Variants in PTPRD observed in about 807,000 individuals in gnomAD.
The protein encoded by PTPRD is receptor-type tyrosine-protein phosphatase delta.
In PTPRD, 34 loss-of-function variants were observed where a neutral mutation model predicts 214.5. That is an observed-to-expected ratio of 0.16 (90% CI 0.12 to 0.21). The LOEUF (loss-of-function observed/expected upper bound fraction) is 0.21, where lower values mean the gene tolerates loss of function less well. PTPRD is among the 10% of genes least tolerant of loss of function. The pLI, the probability that PTPRD is intolerant of heterozygous loss-of-function variation, is 1.00. For synonymous variants in PTPRD, 1,128 were observed against 845.7 expected (o/e 1.33, Z -5.79); for missense variants, 2,545 against 2,398.7 (o/e 1.06, Z -1.27).
intron 3 of PTPRD, among the ~76,000 whole-genome samples, chr9:10,302,421 A>AGGG (rs2095890214): frequency 6.6e-6 from 1 of 152,228 alleles, no homozygotes; most frequent in Non-Finnish European, 1.5e-5. Flanking sequence ...TAACAATATT[A>AGGG]ACCGTAAATG....
intron 11 of PTPRD, among the ~76,000 whole-genome samples, chr9:9,001,748 C>A (rs1003264191): frequency 1.3e-5 from 2 of 151,964 alleles, no homozygotes; most frequent in Admixed American, 6.6e-5. Flanking sequence ...ACTTTTGGAG[C>A]CTACTAACCC....
chr9:8,408,860 A>G (rs184549977), intron 35 of PTPRD, among the ~76,000 whole-genome samples: 1 of 139,666 alleles, frequency 7.2e-6, no homozygotes, highest in African/African-American at 2.7e-5. Flanking sequence ...ATGACCCAAT[A>G]GAAGAAAAAA....
intron 5 of PTPRD, among the ~76,000 whole-genome samples, chr9:9,916,173 C>G (rs1165423545): frequency 1.3e-5 from 2 of 151,150 alleles, no homozygotes; most frequent in African/African-American, 4.9e-5. Context: ...GTTTCTCAGA[C>G]AAGCAAAACT....
intron 2 of PTPRD, among the ~76,000 whole-genome samples, chr9:10,455,077 C>A (rs955561816): frequency 1.1e-4 from 16 of 151,672 alleles, no homozygotes; most frequent in Non-Finnish European, 2.1e-4. Context: ...CCTGTTATCA[C>A]CTTGTTATTG....
intron 3 of PTPRD, among the ~76,000 whole-genome samples, chr9:10,110,471 C>A (rs550959493): frequency 2.6e-5 from 4 of 152,180 alleles, no homozygotes; most frequent in South Asian, 2.1e-4. Context: ...CCTTCCTCTC[C>A]CAACAACAAA....
intron 3 of PTPRD, among the ~76,000 whole-genome samples, chr9:10,322,107 T>C (rs2154428257): frequency 6.6e-6 from 1 of 152,144 alleles, no homozygotes; most frequent in East Asian, 1.9e-4. Context: ...TACATTAGTG[T>C]TTCTAACAAG....
At chr9:8,589,676 A>G (rs1394079887) in intron 14 of PTPRD, among the ~76,000 whole-genome samples, 2 of 152,164 alleles carry the variant, frequency 1.3e-5, no homozygotes, top group South Asian at 4.1e-4. Context: ...GTTCCTCTCC[A>G]GAAACCTGTC....
At chr9:10,550,840 C>A (rs1019900013) in intron 2 of PTPRD, among the ~76,000 whole-genome samples, 14 of 152,172 alleles carry the variant, frequency 9.2e-5, no homozygotes, top group Admixed American at 8.5e-4. Flanking sequence ...AGCTTTTTCT[C>A]CACCTCTACC....
chr9:9,529,516 C>A (rs974201089), intron 8 of PTPRD, among the ~76,000 whole-genome samples: 2 of 152,000 alleles, frequency 1.3e-5, no homozygotes, highest in African/African-American at 2.4e-5. Context: ...AAAATAAACA[C>A]ATGAAAAGAT....
chr9:9,119,200 T>C (rs759803772), intron 10 of PTPRD, among the ~76,000 whole-genome samples: 5 of 152,198 alleles, frequency 3.3e-5, no homozygotes, highest in Non-Finnish European at 5.9e-5. Flanking sequence ...CTCCTTATCA[T>C]TTTATAGGTT....
At chr9:8,370,550 G>T (rs2081234854) in intron 39 of PTPRD, among the ~76,000 whole-genome samples, 1 of 152,088 alleles carries the variant, frequency 6.6e-6, no homozygotes, top group South Asian at 2.1e-4. Flanking sequence ...GGTAGCTATT[G>T]TGATTATTTA....
rs540999285 is a variant in PTPRD, at chr9:9,241,714, C to G, written c.-202-58351G>C. Among the ~76,000 whole-genome samples the G allele has an allele frequency of 1.6e-3, 250 of 151,706 alleles. 1 individual carries two copies. The highest frequency in any genetic ancestry group is 5.9e-3 in the African/African-American group (242 of 41,348). On this transcript the variant is annotated intron_variant, in intron 9 of 45. Transcript: ENST00000381196. ...TTTGCTTGGTAGATCTTCCTCCAAC[C>G]CTTTATTCTGAGCCTATGTGTGTCT...
At chr9:8,504,037 A>C (rs1034789892) in intron 23 of PTPRD, among the ~76,000 whole-genome samples, 1 of 152,178 alleles carries the variant, frequency 6.6e-6, no homozygotes, top group Non-Finnish European at 1.5e-5. Context: ...CTTCTTTAAA[A>C]GTCTTTCAGT....
At chr9:8,780,421 G>C (rs746124835) in intron 11 of PTPRD, among the ~76,000 whole-genome samples, 1 of 152,154 alleles carries the variant, frequency 6.6e-6, no homozygotes, top group African/African-American at 2.4e-5. Context: ...TTTGTTACTA[G>C]ACTCAGGTTT....
intron 14 of PTPRD, among the ~76,000 whole-genome samples, chr9:8,529,193 G>A (rs528778972): frequency 2.0e-5 from 3 of 152,208 alleles, no homozygotes; most frequent in South Asian, 2.1e-4. Context: ...TGTCACAAGT[G>A]TAGGCATTGA....
rs932312573 is a variant in PTPRD, at chr9:9,452,460, T to C, written c.-236-54978A>G. 8.6e-5 allele frequency among the ~76,000 whole-genome samples: 13 copies of C among 151,522 alleles called. 1 individual carries two copies. Among genetic ancestry groups the C allele is most frequent in the Admixed American group, 7.9e-4 (12 of 15,168 alleles). ...GAAAAAATACTGGTGAATGTATGGG[T>C]ATATCTAAGTAAATATGGAAGTATA... On this transcript the variant is annotated intron_variant, in intron 8 of 45. Transcript: ENST00000381196.
intron 12 of PTPRD, among the ~76,000 whole-genome samples, chr9:8,691,129 A>G (rs138135501): frequency 6.6e-6 from 1 of 152,320 alleles, no homozygotes; most frequent in African/African-American, 2.4e-5. Flanking sequence ...TGACAAAACT[A>G]TTCCTCGTGG....
rs543970658 is a variant in PTPRD at position 8,458,234 on chromosome 9, A to G, written c.3875+2177T>C. Among the ~76,000 whole-genome samples the G allele has an allele frequency of 3.9e-5, 6 of 152,288 alleles. No individual in the cohort carries two copies. In the East Asian group the frequency reaches 9.7e-4, roughly 25 times the overall value. ...TCTTTTTGTGGGATTAGGAAAAATTATAAGTGAGTTGATTTTTTAAGCACT... is the reference window on the plus strand; with the variant it reads ...TCTTTTTGTGGGATTAGGAAAAATTGTAAGTGAGTTGATTTTTTAAGCACT... On this transcript the variant is annotated intron_variant, in intron 33 of 45. Transcript: ENST00000381196.
chr9:9,974,089 A>G (rs1370495620), intron 4 of PTPRD, among the ~76,000 whole-genome samples: 2 of 152,202 alleles, frequency 1.3e-5, no homozygotes, highest in Non-Finnish European at 2.9e-5. Context: ...TCAGGCAGCT[A>G]GAATTAGGCT....
Sources: gnomAD v4.1 joint callset for allele counts (sites outside exome capture counted in the v4.1 genomes callset) on GRCh38, gnomAD v4.1.1 for gene constraint, MANE v1.5 for transcripts, NCBI Gene and HGNC (gene_info 2026-07-23, HGNC 2026-07-21) for gene names.